MSI1: variants seen among roughly 807,000 people sequenced by gnomAD.
The protein encoded by MSI1 is musashi RNA binding protein 1.
MSI1 carries 15 observed loss-of-function variants against 54.4 expected under a neutral mutation model. The observed-to-expected ratio is 0.28, with a 90% CI of 0.18 to 0.42. The LOEUF (loss-of-function observed/expected upper bound fraction) is 0.42. MSI1 is among the 20% of genes least tolerant of loss of function. The pLI, the probability that MSI1 is intolerant of heterozygous loss-of-function variation, is 1.00. For missense variants in MSI1, 304 were observed against 506.0 expected, an observed-to-expected ratio of 0.60 and a Z score of 3.83; for synonymous variants, 200 against 196.5, an observed-to-expected ratio of 1.02 and a Z score of -0.15.
chr12:120,350,997 C>A (rs1184504705), intron 11 of MSI1, among the ~76,000 whole-genome samples: 1 of 152,114 alleles, frequency 6.6e-6, no homozygotes, highest in Non-Finnish European at 1.5e-5. Flanking sequence ...GTGCAGACGT[C>A]CCCACCCAGC....
intron 6 of MSI1, 121 bp from the exon 7 acceptor site, chr12:120,359,174 C>A: frequency 8.4e-7 from 1 of 1,195,578 alleles, no homozygotes; most frequent in South Asian, 1.3e-5. Context: ...CTTCAACCTG[C>A]TCCCTGCACA....
intron 14 of MSI1, among the ~76,000 whole-genome samples, chr12:120,343,796 T>TC (rs905934019): frequency 6.6e-6 from 1 of 152,148 alleles, no homozygotes; most frequent in Admixed American, 6.6e-5. Flanking sequence ...GCTCACAGTC[T>TC]CCCACCATCT....
intron 9 of MSI1, among the ~76,000 whole-genome samples, chr12:120,354,029 C>T (rs2136938717): frequency 6.6e-6 from 1 of 152,062 alleles, no homozygotes; most frequent in South Asian, 2.1e-4. Context: ...TTTGCCCAGG[C>T]TGGAGTGCAC....
Position 120,346,249 on chromosome 12 carries a change from G to C in MSI1, c.933C>G (p.Thr311=). 1.3e-6 allele frequency: 2 copies of C among 1,594,582 alleles called. No individual in the cohort carries two copies. Among genetic ancestry groups the C allele is most frequent in the Non-Finnish European group, 8.5e-7 (1 of 1,171,104 alleles). The change falls in exon 13 of 15, where the codon ACC becomes ACG. Residue 311 remains threonine (T), a synonymous_variant. Coordinates refer to ENST00000257552, the MANE Select transcript of MSI1 (RefSeq NM_002442.4). The part of the protein sequence containing the change: ...PSRTGGFLGT[T]SPGPMAELYG... Reference sequence around the variant, plus strand: ...AGAGCTCGGCCATGGGGCCGGGGCTGGTGGTCCCCAGGAAGCCCCCTGTGC... The same window carrying C: ...AGAGCTCGGCCATGGGGCCGGGGCTCGTGGTCCCCAGGAAGCCCCCTGTGC...
At chr12:120,358,924 A>G in intron 7 of MSI1, 81 bp downstream of exon 7, 1 of 1,467,240 alleles carries the variant, frequency 6.8e-7, no homozygotes, top group Non-Finnish European at 9.3e-7. Flanking sequence ...TCAGAAGGCG[A>G]GATGAAAGGG....
intron 6 of MSI1, 74 bp from the exon 7 acceptor site, chr12:120,359,127 G>A: frequency 1.3e-6 from 2 of 1,528,402 alleles, no homozygotes; most frequent in Non-Finnish European, 1.8e-6. Context: ...CAGGGGCTCT[G>A]GCAACCCACT....
intron 13 of MSI1, 97 bp from the exon 14 acceptor site, chr12:120,345,729 CCTCT>C: frequency 7.1e-7 from 1 of 1,404,400 alleles, no homozygotes. Context: ...GAGGCGCTGA[CCTCT>C]CTCTACCTGT....
chr12:120,364,603 C>T (rs1875903606), intron 5 of MSI1, 111 bp downstream of exon 5: 1 of 1,073,788 alleles, frequency 9.3e-7, no homozygotes, highest in South Asian at 2.0e-5. Flanking sequence ...ATTCCACAAA[C>T]ACTCCAAGCA....
chr12:120,365,585 T>C (rs1268215309), intron 4 of MSI1, among the ~76,000 whole-genome samples: 1 of 152,208 alleles, frequency 6.6e-6, no homozygotes, highest in African/African-American at 2.4e-5. Flanking sequence ...ATACTCTTTG[T>C]CTGCAAAAGG....
At chr12:120,356,840 C>A in intron 9 of MSI1, 62 bp downstream of exon 9, 3 of 1,445,444 alleles carry the variant, frequency 2.1e-6, no homozygotes, top group Admixed American at 3.3e-5. Context: ...ACCCACACAG[C>A]CCCTGCTAGT....
chr12:120,349,956 G>C (rs1242082552), intron 11 of MSI1, among the ~76,000 whole-genome samples: 1 of 152,192 alleles, frequency 6.6e-6, no homozygotes, highest in African/African-American at 2.4e-5. Flanking sequence ...TCTAAACTGC[G>C]AGTTCTGTGA....
chr12:120,350,399 C>G (rs936160364), intron 11 of MSI1, among the ~76,000 whole-genome samples: 3 of 152,178 alleles, frequency 2.0e-5, no homozygotes, highest in Non-Finnish European at 4.4e-5. Context: ...CCAAACTCTC[C>G]CTCTTTTCAG....
rs1873754728 is a variant in MSI1, at chr12:120,342,565, C to A, written c.*562G>T. 6.7e-6 allele frequency: 1 copy of A among 150,236 alleles called. No homozygotes were observed. The highest frequency in any genetic ancestry group is 2.1e-4 in the South Asian group (1 of 4,710). 9.3% of individuals were successfully genotyped at this position (150,236 alleles called of 1,614,324 possible). On this transcript the variant is annotated 3_prime_UTR_variant, in exon 15 of 15. Transcript: ENST00000257552. ...ACCCAGATAGACACTTTGTTCTCAGCTGGTGGGGGGCACCTGGCCCCTTGC... is the reference window on the plus strand; with the variant it reads ...ACCCAGATAGACACTTTGTTCTCAGATGGTGGGGGGCACCTGGCCCCTTGC...
chr12:120,346,375 C>T lies in MSI1; in HGVS notation c.860-53G>A, dbSNP rs1874124190. The stretch of plus-strand genomic sequence containing the variant: ...AGCCCTGGTGCCCTCTGCCACCCCA[C>T]GGCACCCCCTCAAGCCTGTCCCACC... On this transcript the variant is annotated intron_variant, in intron 12 of 14. Coordinates refer to ENST00000257552, the MANE Select transcript of MSI1 (RefSeq NM_002442.4). 11 of 1,444,588 alleles carry T rather than the reference C, an allele frequency of 7.6e-6. No homozygotes were observed. The East Asian group carries it at 7.6e-5, about 10-fold the overall frequency. The allele number at this position is 1,444,588 out of a possible 1,614,324, so 89.5% of individuals were successfully genotyped here.
intron 14 of MSI1, among the ~76,000 whole-genome samples, chr12:120,344,185 A>G (rs894628354): frequency 2.6e-5 from 4 of 152,154 alleles, no homozygotes; most frequent in East Asian, 1.9e-4. Context: ...GCTGTGTACT[A>G]TACCACTGTA....
chr12:120,358,610 G>A (rs1165386735), intron 7 of MSI1, among the ~76,000 whole-genome samples: 3 of 152,232 alleles, frequency 2.0e-5, no homozygotes, highest in South Asian at 2.1e-4. Context: ...CAGGTTCAGA[G>A]GCAACGGGGC....
intron 12 of MSI1, 67 bp from the exon 13 acceptor site, chr12:120,346,389 G>A (rs1354390479): frequency 4.2e-6 from 6 of 1,412,730 alleles, no homozygotes; most frequent in Non-Finnish European, 5.6e-6. Flanking sequence ...ACCCCCTCAA[G>A]CCTGTCCCAC....
intron 9 of MSI1, among the ~76,000 whole-genome samples, chr12:120,355,733 T>C (rs926804565): frequency 6.6e-6 from 1 of 152,194 alleles, no homozygotes; most frequent in African/African-American, 2.4e-5. Flanking sequence ...CTGTTTTATT[T>C]TTGCAGCTCC....
chr12:120,345,113 G>T (rs1874003450), intron 14 of MSI1, among the ~76,000 whole-genome samples: 1 of 151,356 alleles, frequency 6.6e-6, no homozygotes, highest in Admixed American at 6.6e-5. Context: ...GCACTTTGGG[G>T]GACCAGGGCA....
Sources: gnomAD v4.1 joint callset for allele counts (sites outside exome capture counted in the v4.1 genomes callset) on GRCh38, gnomAD v4.1.1 for gene constraint, MANE v1.5 for transcripts, NCBI Gene and HGNC (gene_info 2026-07-23, HGNC 2026-07-21) for gene names.